The following PCDHGA12 variants were observed in gnomAD, a reference collection of about 807,000 sequenced individuals.
The protein encoded by PCDHGA12 is protocadherin gamma subfamily A, 12.
In PCDHGA12, 43 loss-of-function variants were observed where a neutral mutation model predicts 61.1. The observed-to-expected ratio is 0.70, with a 90% CI of 0.55 to 0.91. The LOEUF (loss-of-function observed/expected upper bound fraction) is 0.91, where lower values mean the gene tolerates loss of function less well. PCDHGA12 is among the 40% of genes least tolerant of loss of function. The pLI is 0.00. For missense variants in PCDHGA12, 1,236 were observed against 1,227.7 expected, an observed-to-expected ratio of 1.01 and a Z score of -0.10; for synonymous variants, 520 against 542.9, an observed-to-expected ratio of 0.96 and a Z score of 0.59.
Position 141,451,680 on chromosome 5 carries a change from A to G in PCDHGA12, c.2424+18497A>G, listed in dbSNP as rs189200375. Among the ~76,000 whole-genome samples, 85 of 152,310 alleles carry G rather than the reference A, an allele frequency of 5.6e-4. 1 individual carries two copies. The East Asian group carries it at 0.012, about 21-fold the overall frequency. On this transcript the variant is annotated intron_variant, in intron 1 of 3. Coordinates refer to ENST00000252085, the MANE Select transcript of PCDHGA12 (RefSeq NM_003735.3). The stretch of plus-strand genomic sequence containing the variant: ...GTGGACTGCTTGAGCCCAGGAGTTC[A>G]AGACCAGCCTGGGTAACATGACAAA...
Position 141,489,427 on chromosome 5 carries a change from C to A in PCDHGA12, c.2425-5380C>A. ...AAAGATGACAGATCTGTTGAGCCGG[C>A]GGCTGCAATTGGGCTCTGAGGAGAA... On this transcript the variant is annotated intron_variant, in intron 1 of 3. Coordinates refer to ENST00000252085, the MANE Select transcript of PCDHGA12 (RefSeq NM_003735.3). This position sits in a 1 kb window ranked among gnomAD's most constrained non-coding sequence, Gnocchi z 4.5. The A allele has an allele frequency of 6.2e-7, 1 of 1,614,108 alleles. No individual in the cohort carries two copies. The highest frequency in any genetic ancestry group is 1.1e-5 in the South Asian group (1 of 91,086).
rs1250096461 is a variant in PCDHGA12 at position 141,485,533 on chromosome 5, G to A, written c.2425-9274G>A. 6.2e-7 allele frequency: 1 copy of A among 1,614,084 alleles called. No homozygotes were observed. Among genetic ancestry groups the A allele is most frequent in the Non-Finnish European group, 8.5e-7 (1 of 1,180,034 alleles). On this transcript the variant is annotated intron_variant, in intron 1 of 3. Coordinates refer to ENST00000252085, the MANE Select transcript of PCDHGA12 (RefSeq NM_003735.3). This position sits in a 1 kb window ranked among gnomAD's most constrained non-coding sequence, Gnocchi z 5.7. ...GTCCTTTGGAAATGTACCGAGCAGA[G>A]GTAGAGATCGTAGATGTGAATGATC...
chr5:141,490,611 G>A lies in PCDHGA12; in HGVS notation c.2425-4196G>A, dbSNP rs1442281165. 1 of 1,614,052 alleles carries A rather than the reference G, an allele frequency of 6.2e-7. No homozygotes were observed. The highest frequency in any genetic ancestry group is 1.3e-5 in the African/African-American group (1 of 74,914). On this transcript the variant is annotated intron_variant, in intron 1 of 3. Coordinates refer to ENST00000252085, the MANE Select transcript of PCDHGA12 (RefSeq NM_003735.3). This position sits in a 1 kb window ranked among gnomAD's most constrained non-coding sequence, Gnocchi z 5.4. ...ACAATGCACCCCGCTTCAACCAGCA[G>A]CTTTACACTGCTTACATCCTAGAAA...
At chr5:141,468,758 C>G (rs929005462) in intron 1 of PCDHGA12, among the ~76,000 whole-genome samples, 1 of 151,802 alleles carries the variant, frequency 6.6e-6, no homozygotes, top group Admixed American at 6.6e-5. Context: ...CCCAGCTACT[C>G]GGGAGGCTGA....
chr5:141,490,454 C>T lies in PCDHGA12; in HGVS notation c.2425-4353C>T. The T allele has an allele frequency of 3.1e-6, 5 of 1,614,176 alleles. No homozygotes were observed. The highest frequency in any genetic ancestry group is 4.2e-6 in the Non-Finnish European group (5 of 1,180,020). On this transcript the variant is annotated intron_variant, in intron 1 of 3. Transcript: ENST00000252085. The surrounding 1 kb of genome is among the most constrained non-coding windows in gnomAD (Gnocchi z 5.4). The stretch of plus-strand genomic sequence containing the variant: ...ATTAAGCCTTCTGAGAACCACTACT[C>T]GCTGCTAACCAGCCAGCCTTTGGAC...
chr5:141,491,152 G>A lies in PCDHGA12; in HGVS notation c.2425-3655G>A. 1 of 1,614,168 alleles carries A rather than the reference G, an allele frequency of 6.2e-7. No homozygotes were observed. The highest frequency in any genetic ancestry group is 8.5e-7 in the Non-Finnish European group (1 of 1,179,990). On this transcript the variant is annotated intron_variant, in intron 1 of 3. Transcript: ENST00000252085. The surrounding 1 kb of genome is among the most constrained non-coding windows in gnomAD (Gnocchi z 6.9). ...CACAGCCCGGGCCTTACTGGAGGAT[G>A]ACTCTGACACCCAGCAGGTGGTGGT...
rs776132438 is a variant in PCDHGA12 at position 141,432,197 on chromosome 5, G to A, written c.1438G>A (p.Asp480Asn). The A allele has an allele frequency of 2.5e-6, 4 of 1,614,112 alleles. No individual in the cohort carries two copies. The South Asian group carries it at 3.3e-5, about 13-fold the overall frequency. The stretch of plus-strand genomic sequence containing the variant: ...CGTCTCTGTGACCGCCCACGACCCC[G>A]ACTGTGAAGAGAACGCCCAGATCAC... ...SLVSVTAHDP[D>N]CEENAQITYS... The change falls in exon 1 of 4, where the codon GAC becomes AAC. Residue 480 changes from aspartate (D) to asparagine (N), a missense_variant. Coordinates refer to ENST00000252085, the MANE Select transcript of PCDHGA12 (RefSeq NM_003735.3). The surrounding 1 kb of genome is among the most constrained non-coding windows in gnomAD (Gnocchi z 6.0).
In PCDHGA12 at chr5:141,476,656, T is replaced by A. The variant is rs190269177; in HGVS notation, c.2425-18151T>A. 6.2e-7 allele frequency: 1 copy of A among 1,614,210 alleles called. No individual in the cohort carries two copies. The highest frequency in any genetic ancestry group is 1.3e-5 in the African/African-American group (1 of 75,064). ...ATGAGCTGAGCCGAAATGAATACTTTGCGCTTCGCGTGCAGACGCGGGAGG... is the reference window on the plus strand; with the variant it reads ...ATGAGCTGAGCCGAAATGAATACTTAGCGCTTCGCGTGCAGACGCGGGAGG... On this transcript the variant is annotated intron_variant, in intron 1 of 3. Coordinates refer to ENST00000252085, the MANE Select transcript of PCDHGA12 (RefSeq NM_003735.3). This position sits in a 1 kb window ranked among gnomAD's most constrained non-coding sequence, Gnocchi z 7.6.
rs2099643895 is a variant in PCDHGA12 at position 141,487,385 on chromosome 5, C to T, written c.2425-7422C>T. 1.9e-6 allele frequency: 3 copies of T among 1,614,160 alleles called. No homozygotes were observed. The highest frequency in any genetic ancestry group is 1.1e-5 in the South Asian group (1 of 91,086). On this transcript the variant is annotated intron_variant, in intron 1 of 3. Transcript: ENST00000252085. This position sits in a 1 kb window ranked among gnomAD's most constrained non-coding sequence, Gnocchi z 5.0. Reference sequence around the variant, plus strand: ...CACCTGTGCCTGTCTCACCAGATCTCGAAGGAGGGAGGGGCTTCCCCCTTC... The same window carrying T: ...CACCTGTGCCTGTCTCACCAGATCTTGAAGGAGGGAGGGGCTTCCCCCTTC...
At position 141,511,393 on chromosome 5, in the gene PCDHGA12, C is replaced by G. The variant is rs1257680621; in HGVS notation, c.*220C>G. The G allele has an allele frequency of 2.8e-6, 3 of 1,067,816 alleles. No individual in the cohort carries two copies. The highest frequency in any genetic ancestry group is 3.9e-6 in the Non-Finnish European group (3 of 764,518). The allele number at this position is 1,067,816 out of a possible 1,614,324, so 66.1% of individuals were successfully genotyped here. A position where few individuals can be genotyped will look rare whatever the true frequency, so the allele number is the denominator to read the frequency against. On this transcript the variant is annotated 3_prime_UTR_variant, in exon 4 of 4. Coordinates refer to ENST00000252085, the MANE Select transcript of PCDHGA12 (RefSeq NM_003735.3). ...CAAAAGCAGTTCCGCTGGGAACCCC[C>G]ATCCAATCAACTGCTGTACCCATGG...
intron 1 of PCDHGA12, among the ~76,000 whole-genome samples, chr5:141,445,441 C>G (rs1201825256): frequency 6.6e-6 from 1 of 152,152 alleles, no homozygotes; most frequent in East Asian, 1.9e-4. Context: ...GACCTATGGA[C>G]TAAGGATGCA....
intron 1 of PCDHGA12, among the ~76,000 whole-genome samples, chr5:141,472,980 C>CAAAAAAAAAAAAAAAAGAAAAAAA (rs2099308501): frequency 2.3e-5 from 2 of 86,104 alleles, no homozygotes; most frequent in African/African-American, 7.8e-5. Flanking sequence ...GAGTGAAACT[C>CAAAAAAAAAAAAAAAAGAAAAAAA]AAAAAAAAAA....
In PCDHGA12 at chr5:141,491,867, T is replaced by A. The variant is rs1424221139; in HGVS notation, c.2425-2940T>A. On this transcript the variant is annotated intron_variant, in intron 1 of 3. Transcript: ENST00000252085. The surrounding 1 kb of genome is among the most constrained non-coding windows in gnomAD (Gnocchi z 6.9). ...TTGGACCGTTTGCGCGAAACCAGAG[T>A]GGCCGATTAAGGGATGGGGCTCCGA... 6.9e-7 allele frequency: 1 copy of A among 1,452,218 alleles called. No homozygotes were observed. The highest frequency in any genetic ancestry group is 9.1e-7 in the Non-Finnish European group (1 of 1,099,056). The allele number at this position is 1,452,218 out of a possible 1,614,324, so 90.0% of individuals were successfully genotyped here. A position where few individuals can be genotyped will look rare whatever the true frequency, so the allele number is the denominator to read the frequency against.
intron 2 of PCDHGA12, among the ~76,000 whole-genome samples, chr5:141,500,935 C>A (rs1159997919): frequency 1.3e-5 from 2 of 151,694 alleles, no homozygotes; most frequent in Non-Finnish European, 2.9e-5. Flanking sequence ...GTGGCGCCAT[C>A]TCGGCTCACT....
In PCDHGA12 at chr5:141,483,740, A is replaced by T. The variant is rs2099586227; in HGVS notation, c.2425-11067A>T. Among the ~76,000 whole-genome samples, 4 of 152,148 alleles carry T rather than the reference A, an allele frequency of 2.6e-5. No homozygotes were observed. The South Asian group carries it at 8.3e-4, about 32-fold the overall frequency. ...TGGTTCCCACCATAGTCAAAAGGATATTCCTGAGGATCGAGGCTTGGAAAA... is the reference window on the plus strand; with the variant it reads ...TGGTTCCCACCATAGTCAAAAGGATTTTCCTGAGGATCGAGGCTTGGAAAA... On this transcript the variant is annotated intron_variant, in intron 1 of 3. Transcript: ENST00000252085.
chr5:141,453,067 C>A (rs1227122711), intron 1 of PCDHGA12, among the ~76,000 whole-genome samples: 1 of 152,024 alleles, frequency 6.6e-6, no homozygotes, highest in African/African-American at 2.4e-5. Context: ...AGAGTTTTGC[C>A]ACACTCTGGT....
intron 1 of PCDHGA12, among the ~76,000 whole-genome samples, chr5:141,470,729 G>T (rs1253040487): frequency 6.6e-6 from 1 of 152,102 alleles, no homozygotes; most frequent in Non-Finnish European, 1.5e-5. Context: ...TCAGGGTCTT[G>T]CTCTGTCGCC....
intron 1 of PCDHGA12, chr5:141,478,642 T>C (rs777741719): frequency 6.4e-7 from 1 of 1,552,350 alleles, no homozygotes; most frequent in Non-Finnish European, 8.7e-7. Context: ...GTGATGAAGA[T>C]GTTTTCCTGG....
At position 141,487,915 on chromosome 5, in the gene PCDHGA12, G is replaced by T; in HGVS notation, c.2425-6892G>T. The T allele has an allele frequency of 1.5e-6, 1 of 655,128 alleles. No homozygotes were observed. Among genetic ancestry groups the T allele is most frequent in the Middle Eastern group, 3.5e-4 (1 of 2,862 alleles). The allele number at this position is 655,128 out of a possible 1,614,324, so 40.6% of individuals were successfully genotyped here. ...GATGATGGAATGTGGGAGCACAGGA[G>T]GCTACAGTGCACAGGGTACAGTGCA... On this transcript the variant is annotated intron_variant, in intron 1 of 3. Coordinates refer to ENST00000252085, the MANE Select transcript of PCDHGA12 (RefSeq NM_003735.3). This position sits in a 1 kb window ranked among gnomAD's most constrained non-coding sequence, Gnocchi z 5.0.
Sources: allele counts gnomAD v4.1 joint callset (sites outside exome capture counted in the v4.1 genomes callset), GRCh38; gene constraint gnomAD v4.1.1; non-coding constraint Gnocchi (gnomAD v3.1); transcripts MANE v1.5; gene names NCBI Gene and HGNC (gene_info 2026-07-23, HGNC 2026-07-21).